The following EFCAB6 variants were observed in gnomAD, a reference collection of about 807,000 sequenced individuals.
EFCAB6 encodes the protein EF-hand calcium-binding domain-containing protein 6.
EFCAB6 carries 156 observed loss-of-function variants against 169.8 expected under a neutral mutation model. That is an observed-to-expected ratio of 0.92 (90% CI 0.81 to 1.05). The LOEUF is 1.05. Among genes scored for constraint, EFCAB6 ranks in the 50% least tolerant of loss-of-function variants. The pLI is 0.00. For missense variants in EFCAB6, 1,800 were observed against 1,829.1 expected (o/e 0.98, Z 0.29); for synonymous variants, 698 against 676.4 (o/e 1.03, Z -0.50).
chr22:43,556,547 G>A (rs962111943), intron 26 of EFCAB6, among the ~76,000 whole-genome samples: 2 of 152,140 alleles, frequency 1.3e-5, no homozygotes. Context: ...GGGTTTCACC[G>A]GAGTATCACT....
intron 22 of EFCAB6, among the ~76,000 whole-genome samples, chr22:43,600,805 A>G (rs1214242935): frequency 6.6e-6 from 1 of 151,558 alleles, no homozygotes; most frequent in African/African-American, 2.4e-5. Context: ...CTGGGATTAC[A>G]GCGCCGGCCA....
intron 4 of EFCAB6, among the ~76,000 whole-genome samples, chr22:43,766,336 C>T (rs753949645): frequency 3.8e-4 from 57 of 151,972 alleles, no homozygotes; most frequent in Non-Finnish European, 6.6e-4. Flanking sequence ...CCTGGCCCCC[C>T]TCAAGTGTTT....
chr22:43,571,773 C>CT (rs762133647), intron 26 of EFCAB6, among the ~76,000 whole-genome samples: 2 of 152,224 alleles, frequency 1.3e-5, no homozygotes, highest in Non-Finnish European at 2.9e-5. Flanking sequence ...CTCACCTACT[C>CT]TGTCATTTAC....
intron 17 of EFCAB6, among the ~76,000 whole-genome samples, chr22:43,663,604 T>G (rs1050297831): frequency 3.3e-5 from 5 of 152,196 alleles, no homozygotes; most frequent in Non-Finnish European, 7.3e-5. Flanking sequence ...GGAAAACCAG[T>G]GCAAACTGGA....
intron 20 of EFCAB6, among the ~76,000 whole-genome samples, chr22:43,624,440 C>G (rs1472524345): frequency 1.3e-5 from 2 of 152,152 alleles, no homozygotes. Flanking sequence ...GCCCTCCTGG[C>G]CTCCTCCCCA....
chr22:43,759,251 A>G (rs1334303863), intron 5 of EFCAB6: 1 of 152,236 alleles, frequency 6.6e-6, no homozygotes, highest in African/African-American at 2.4e-5. Flanking sequence ...AGACTGCCAA[A>G]GAATCTTGCA....
chr22:43,717,983 T>C (rs1429467749), intron 8 of EFCAB6, among the ~76,000 whole-genome samples: 1 of 152,162 alleles, frequency 6.6e-6, no homozygotes, highest in Admixed American at 6.5e-5. Flanking sequence ...TATTGTTTCA[T>C]GATTTTAAAG....
chr22:43,703,038 A>T (rs146367168), intron 10 of EFCAB6, among the ~76,000 whole-genome samples: 1 of 152,172 alleles, frequency 6.6e-6, no homozygotes, highest in Non-Finnish European at 1.5e-5. Flanking sequence ...CTACTAGAGT[A>T]AAGTGTCAGC....
At chr22:43,635,719 T>C (rs2055342179) in intron 17 of EFCAB6, among the ~76,000 whole-genome samples, 2 of 152,214 alleles carry the variant, frequency 1.3e-5, no homozygotes, top group South Asian at 4.1e-4. Context: ...TGCTCTTTTT[T>C]CTTCTCCATA....
intron 19 of EFCAB6, among the ~76,000 whole-genome samples, chr22:43,630,707 G>A (rs556119790): frequency 8.5e-5 from 13 of 152,240 alleles, no homozygotes; most frequent in African/African-American, 2.2e-4. Flanking sequence ...TCCCTGCAGC[G>A]GCCGCTGCCT....
At chr22:43,580,142 A>T (rs1307024506) in intron 25 of EFCAB6, among the ~76,000 whole-genome samples, 3 of 152,144 alleles carry the variant, frequency 2.0e-5, no homozygotes, top group Non-Finnish European at 4.4e-5. Flanking sequence ...CTGTGGACCC[A>T]GTGCCTGGCT....
In EFCAB6 at chr22:43,580,601, C is replaced by T. The variant is rs573441286; in HGVS notation, c.3091G>A (p.Glu1031Lys). 2 of 1,614,008 alleles carry T rather than the reference C, an allele frequency of 1.2e-6. No homozygotes were observed. The highest frequency in any genetic ancestry group is 1.3e-5 in the African/African-American group (1 of 74,912). ...INYLDFLRAV[E>K]NSKSTGAQPK... is the part of the protein sequence containing the mutation. ...TGAGCTCCTGTTGACTTGCTGTTCT[C>T]CACTGCTCTCAGGAAGTCGAGGTAA... The change falls in exon 25 of 32, where the codon GAG (glutamate) becomes AAG (lysine). Residue 1031 changes from glutamate to lysine, a missense_variant. Physicochemically the swap from Glu to Lys is moderately conservative, Grantham distance 56. Coordinates refer to ENST00000262726, the MANE Select transcript of EFCAB6 (RefSeq NM_022785.4).
chr22:43,655,838 GACT>G (rs1277805756), intron 17 of EFCAB6, among the ~76,000 whole-genome samples: 7 of 152,146 alleles, frequency 4.6e-5, no homozygotes, highest in Admixed American at 1.3e-4. Flanking sequence ...AAGCCGAAGT[GACT>G]ACATTATTAT....
intron 10 of EFCAB6, among the ~76,000 whole-genome samples, chr22:43,688,035 C>T (rs1472664679): frequency 6.6e-6 from 1 of 152,156 alleles, no homozygotes; most frequent in East Asian, 1.9e-4. Context: ...AGCAACTCTC[C>T]TGGTTTATCC....
chr22:43,747,117 G>T (rs1477505801), intron 6 of EFCAB6, among the ~76,000 whole-genome samples: 2 of 152,216 alleles, frequency 1.3e-5, no homozygotes, highest in Non-Finnish European at 2.9e-5. Context: ...GTAGCACTTT[G>T]CCAAGAGCCT....
chr22:43,677,430 G>A (rs889045944), intron 13 of EFCAB6, among the ~76,000 whole-genome samples: 2 of 152,124 alleles, frequency 1.3e-5, no homozygotes, highest in African/African-American at 2.4e-5. Context: ...AGTGGATCAC[G>A]AGGTCAGGAG....
At chr22:43,805,112 T>C (rs780351924) in intron 2 of EFCAB6, among the ~76,000 whole-genome samples, 1 of 152,146 alleles carries the variant, frequency 6.6e-6, no homozygotes, top group Non-Finnish European at 1.5e-5. Flanking sequence ...AGCAAACCCA[T>C]TTACAATAGC....
chr22:43,595,946 C>T (rs2374772), intron 23 of EFCAB6, among the ~76,000 whole-genome samples: 111,773 of 152,110 alleles, frequency 0.73, 41,240 homozygotes, highest in Admixed American at 0.8. Flanking sequence ...GTTCAACATA[C>T]ACAAATTAAT....
At chr22:43,589,662 C>T (rs1195858344) in intron 24 of EFCAB6, among the ~76,000 whole-genome samples, 46 of 152,238 alleles carry the variant, frequency 3.0e-4, no homozygotes, top group Non-Finnish European at 5.7e-4. Context: ...GTGGTGTACA[C>T]CTGTAATCCC....
Sources: gnomAD v4.1 joint callset for allele counts (sites outside exome capture counted in the v4.1 genomes callset) on GRCh38, gnomAD v4.1.1 for gene constraint, MANE v1.5 for transcripts, NCBI Gene and HGNC (gene_info 2026-07-23, HGNC 2026-07-21) for gene names.